CASK: variants seen among roughly 807,000 people sequenced by gnomAD.
CASK encodes the protein calcium/calmodulin dependent serine protein kinase.
CASK carries 4 observed loss-of-function variants against 82.9 expected under a neutral mutation model. The observed-to-expected ratio is 0.05, with a 90% CI of 0.02 to 0.11. The LOEUF is 0.11. CASK is among the 10% of genes least tolerant of loss of function. CASK has a pLI of 1.00. For missense variants in CASK, 358 were observed against 720.9 expected (o/e 0.50, Z 5.76); for synonymous variants, 259 against 253.5 (o/e 1.02, Z -0.20).
intron 22 of CASK, among the ~76,000 whole-genome samples, chrX:41,536,548 T>C (rs17315730): frequency 0.01 from 1,120 of 111,679 alleles, 8 homozygotes; most frequent in Non-Finnish European, 0.016. Flanking sequence ...AATAAGATAC[T>C]TGGGAATAGA....
At chrX:41,617,709 T>C (rs1264334561) in intron 11 of CASK, among the ~76,000 whole-genome samples, 1 of 112,044 alleles carries the variant, frequency 8.9e-6, no homozygotes, top group Non-Finnish European at 1.9e-5. Flanking sequence ...AAGATATAAA[T>C]AGACACAAAG....
At chrX:41,822,557 C>CAAAAAAA (rs61374081) in intron 2 of CASK, among the ~76,000 whole-genome samples, 123 of 50,648 alleles carry the variant, frequency 2.4e-3, no homozygotes, top group Non-Finnish European at 3.1e-3. Flanking sequence ...GACTCCGTCT[C>CAAAAAAA]AAAAAAAAAA....
chrX:41,517,530 C>T lies in CASK; in HGVS notation c.*2890G>A. The T allele has an allele frequency of 3.4e-6, 1 of 295,688 alleles. No individual in the cohort carries two copies. 24.4% of individuals were successfully genotyped at this position (295,688 alleles called of 1,213,427 possible). A position where few individuals can be genotyped will look rare whatever the true frequency, so the allele number is the denominator to read the frequency against. ...CATTTCATCTTTTTAACAAAGAATT[C>T]AACATATAAAAACACTCCCTTTCTT... is the stretch of plus-strand genomic sequence containing the variant. On this transcript the variant is annotated 3_prime_UTR_variant, in exon 27 of 27. Transcript: ENST00000378163.
intron 2 of CASK, among the ~76,000 whole-genome samples, chrX:41,827,301 A>G (rs2070689092): frequency 8.9e-6 from 1 of 111,876 alleles, no homozygotes; most frequent in African/African-American, 3.2e-5. Context: ...GCTGGCTATA[A>G]CAAAATACCA....
intron 5 of CASK, chrX:41,727,465 C>T (rs368375953): frequency 5.8e-6 from 7 of 1,206,402 alleles, no homozygotes; most frequent in Admixed American, 2.2e-5. Flanking sequence ...GAAAAAATTT[C>T]GCCAGCCCAA....
chrX:41,895,881 G>A (rs2072261651), intron 1 of CASK, among the ~76,000 whole-genome samples: 1 of 110,968 alleles, frequency 9.0e-6, no homozygotes, highest in Non-Finnish European at 1.9e-5. Flanking sequence ...AAAGCAAGTG[G>A]TGGGGGGATG....
At chrX:41,744,111 C>T (rs961981351) in intron 4 of CASK, among the ~76,000 whole-genome samples, 19 of 107,104 alleles carry the variant, frequency 1.8e-4, no homozygotes, top group African/African-American at 6.2e-4. Context: ...CTCCGTCCCC[C>T]GCCGCCCGCA....
intron 22 of CASK, 52 bp downstream of exon 22, chrX:41,542,639 A>T: frequency 1.3e-6 from 1 of 755,114 alleles, no homozygotes; most frequent in Non-Finnish European, 2.1e-6. Flanking sequence ...ACATCTTTTT[A>T]GGTCTTGGAG....
chrX:41,542,824 AAAAAT>A lies in CASK; in HGVS notation c.2040-23_2040-19del. 1.1e-6 allele frequency: 1 copy of A among 952,278 alleles called. No homozygotes were observed. The highest frequency in any genetic ancestry group is 1.5e-6 in the Non-Finnish European group (1 of 662,864). The allele number at this position is 952,278 out of a possible 1,213,427, so 78.5% of individuals were successfully genotyped here. On this transcript the variant is annotated intron_variant, in intron 21 of 26. Coordinates refer to ENST00000378163, the MANE Select transcript of CASK (RefSeq NM_001367721.1). ...CTACTCGCCTAGCACATACAAAAAG[AAAAAT>A]AAAATAAAATGAATTTATAATTCTG...
At chrX:41,807,260 T>G (rs992067946) in intron 2 of CASK, among the ~76,000 whole-genome samples, 3 of 111,251 alleles carry the variant, frequency 2.7e-5, no homozygotes, top group Non-Finnish European at 5.7e-5. Context: ...CCCACTTTAA[T>G]GTAGAGTTAC....
intron 5 of CASK, among the ~76,000 whole-genome samples, chrX:41,681,087 A>G (rs1041313352): frequency 1.7e-4 from 19 of 111,961 alleles, no homozygotes; most frequent in African/African-American, 6.2e-4. Flanking sequence ...AAATATATTG[A>G]AAGTTTTTTT....
chrX:41,737,885 T>C (rs1289541408), intron 5 of CASK, among the ~76,000 whole-genome samples: 2 of 113,108 alleles, frequency 1.8e-5, no homozygotes, highest in African/African-American at 6.4e-5. Context: ...CTTTCTTACA[T>C]TAATTAATGC....
At chrX:41,843,659 G>T (rs2071092501) in intron 2 of CASK, among the ~76,000 whole-genome samples, 1 of 111,213 alleles carries the variant, frequency 9.0e-6, no homozygotes, top group Non-Finnish European at 1.9e-5. Context: ...ACTTCGAAAA[G>T]AAATCCCATA....
intron 21 of CASK, among the ~76,000 whole-genome samples, chrX:41,551,153 T>A (rs920599384): frequency 8.9e-6 from 1 of 111,766 alleles, no homozygotes; most frequent in African/African-American, 3.3e-5. Flanking sequence ...ACTTTCTGTT[T>A]ATACCATACA....
chrX:41,785,143 A>T (rs1433637654), intron 3 of CASK, among the ~76,000 whole-genome samples: 1 of 107,399 alleles, frequency 9.3e-6, no homozygotes, highest in African/African-American at 3.4e-5. Context: ...AGTAACTGGG[A>T]CTACAGGCGT....
At chrX:41,908,505 T>C (rs914051391) in intron 1 of CASK, among the ~76,000 whole-genome samples, 8 of 111,651 alleles carry the variant, frequency 7.2e-5, no homozygotes, top group African/African-American at 2.3e-4. Flanking sequence ...CAATACATGA[T>C]TAAGTTAGAT....
At position 41,531,147 on chromosome X, in the gene CASK, C is replaced by T. The variant is rs146936770; in HGVS notation, c.2380G>A (p.Asp794Asn). 8.3e-7 allele frequency: 1 copy of T among 1,208,101 alleles called. No individual in the cohort carries two copies. Among genetic ancestry groups the T allele is most frequent in the Non-Finnish European group, 1.1e-6 (1 of 893,330 alleles). Reference sequence around the variant, plus strand: ...TTAGAGATGTCTTGCATCATTTGGTCATGAGATACAAAGTAATAATTCTTT... The same window carrying T: ...TTAGAGATGTCTTGCATCATTTGGTTATGAGATACAAAGTAATAATTCTTT... Reference protein sequence around the residue: ...NGKNYYFVSHDQMMQDISNNE... With the variant: ...NGKNYYFVSHNQMMQDISNNE... The change falls in exon 25 of 27, where the codon GAC becomes AAC. Residue 794 changes from aspartate to asparagine, a missense_variant. By Grantham distance (23) the Asp-to-Asn change is conservative. This residue lies in a region of CASK where 118 missense variants were observed against 169.4 expected (regional missense o/e 0.70). Transcript: ENST00000378163.
chrX:41,826,644 G>C (rs1172184734), intron 2 of CASK, among the ~76,000 whole-genome samples: 1 of 110,882 alleles, frequency 9.0e-6, no homozygotes, highest in Non-Finnish European at 1.9e-5. Flanking sequence ...GCTAAGTTTT[G>C]TATTTGTTGG....
At chrX:41,645,366 G>A (rs775572719) in intron 8 of CASK, among the ~76,000 whole-genome samples, 3 of 111,399 alleles carry the variant, frequency 2.7e-5, no homozygotes, top group South Asian at 7.6e-4. Context: ...CCAGTGTTAT[G>A]GAAAAACTCC....
Sources: allele counts gnomAD v4.1 joint callset (sites outside exome capture counted in the v4.1 genomes callset), GRCh38; gene constraint gnomAD v4.1.1; regional missense constraint gnomAD v4.1.1; transcripts MANE v1.5; gene names NCBI Gene and HGNC (gene_info 2026-07-23, HGNC 2026-07-21).